IL1R1: variants seen among roughly 807,000 people sequenced by gnomAD.
The protein encoded by IL1R1 is interleukin-1 receptor type 1.
A neutral mutation model predicts 50.2 loss-of-function variants in IL1R1; 22 were observed. The observed-to-expected ratio is 0.44, with a 90% CI of 0.31 to 0.63. The LOEUF is 0.63. IL1R1 is among the 20% of genes least tolerant of loss of function. IL1R1 has a pLI of 0.07. For synonymous variants in IL1R1, 251 were observed against 236.7 expected, an observed-to-expected ratio of 1.06 and a Z score of -0.55; for missense variants, 509 against 676.2, an observed-to-expected ratio of 0.75 and a Z score of 2.74.
chr2:102,103,434 G>T (rs545337532), upstream of IL1R1, among the ~76,000 whole-genome samples: 7 of 152,306 alleles, frequency 4.6e-5, no homozygotes, highest in South Asian at 8.3e-4. Context: ...AGGCTGCAGA[G>T]CATTGAAGCA....
chr2:102,099,755 A>T (rs1193059204), upstream of IL1R1, among the ~76,000 whole-genome samples: 1 of 152,166 alleles, frequency 6.6e-6, no homozygotes, highest in Non-Finnish European at 1.5e-5. Context: ...AGACTCTGGC[A>T]TTTGTTTGGT....
At chr2:102,084,434 C>G (rs1300325660) in intron 1 of IL1R1, among the ~76,000 whole-genome samples, 2 of 152,254 alleles carry the variant, frequency 1.3e-5, no homozygotes, top group Admixed American at 6.5e-5. Flanking sequence ...AGTAAAAATC[C>G]TGGTTGAGAA....
chr2:102,095,201 A>G (rs924763728), intron 1 of IL1R1, among the ~76,000 whole-genome samples: 6 of 152,206 alleles, frequency 3.9e-5, no homozygotes, highest in Non-Finnish European at 5.9e-5. Context: ...ACAGCAAGTC[A>G]TGATGGTGCC....
rs1014815079 is a variant in IL1R1, at chr2:102,108,295, G to A, written c.-84+3423G>A. ...TGCTTCTTGGTTCTTAGATTCAGTA[G>A]CAGTGTTTAGTGTGTTACAGCAGTG... On this transcript the variant is annotated intron_variant, in intron 1 of 10. Transcript: ENST00000409329. 6.6e-5 allele frequency among the ~76,000 whole-genome samples: 10 copies of A among 152,064 alleles called. No individual in the cohort carries two copies. In the East Asian group the frequency reaches 1.2e-3, roughly 18 times the overall value.
intron 1 of IL1R1, among the ~76,000 whole-genome samples, chr2:102,071,820 G>A (rs889067023): frequency 3.3e-5 from 5 of 152,194 alleles, no homozygotes; most frequent in Non-Finnish European, 4.4e-5. Flanking sequence ...ATCCACCCTG[G>A]TTGAACCCCA....
intron 1 of IL1R1, among the ~76,000 whole-genome samples, chr2:102,094,826 CACACATAT>C (rs1301659139): frequency 6.9e-6 from 1 of 145,522 alleles, no homozygotes; most frequent in Non-Finnish European, 1.5e-5. Flanking sequence ...CATATATATA[CACACATAT>C]ACACATATAT....
chr2:102,176,276 C>G, intron 11 of IL1R1, 77 bp from the exon 12 acceptor site: 1 of 1,307,228 alleles, frequency 7.6e-7, no homozygotes, highest in Non-Finnish European at 1.1e-6. Context: ...TTGTGAAAAG[C>G]CTTGTGTGGC....
At position 102,178,002 on chromosome 2, in the gene IL1R1, C is replaced by A; in HGVS notation, c.*1243C>A. 1 of 153,768 alleles carries A rather than the reference C, an allele frequency of 6.5e-6. No homozygotes were observed. The highest frequency in any genetic ancestry group is 1.5e-5 in the Non-Finnish European group (1 of 68,874). 9.5% of individuals were successfully genotyped at this position (153,768 alleles called of 1,614,324 possible). A position where few individuals can be genotyped will look rare whatever the true frequency, so the allele number is the denominator to read the frequency against. On this transcript the variant is annotated 3_prime_UTR_variant, in exon 12 of 12. Transcript: ENST00000410023. ...CTCCCTGCCCTGTCCTCCAGCTTCC[C>A]CTCGCTGTCCTGCTGTGTGAATTCC...
At chr2:102,080,559 G>A (rs1679160012) in intron 1 of IL1R1, among the ~76,000 whole-genome samples, 1 of 152,156 alleles carries the variant, frequency 6.6e-6, no homozygotes, top group African/African-American at 2.4e-5. Context: ...AAAGAGGCCA[G>A]AAATAATAAA....
chr2:102,072,401 C>A (rs1678771958), intron 1 of IL1R1, among the ~76,000 whole-genome samples: 1 of 152,142 alleles, frequency 6.6e-6, no homozygotes, highest in Non-Finnish European at 1.5e-5. Context: ...GCGCTTTATC[C>A]TCCAAAACAG....
At chr2:102,151,509 AGATGTGTAG>A (rs1683650391) in intron 1 of IL1R1, among the ~76,000 whole-genome samples, 1 of 152,106 alleles carries the variant, frequency 6.6e-6, no homozygotes, top group South Asian at 2.1e-4. Flanking sequence ...CAGACATGCA[AGATGTGTAG>A]GATGGGCCTC....
chr2:102,150,229 A>C (rs530569142), intron 1 of IL1R1, among the ~76,000 whole-genome samples: 1 of 152,310 alleles, frequency 6.6e-6, no homozygotes, highest in Admixed American at 6.5e-5. Flanking sequence ...CTAGGCCTTG[A>C]GGAAGAAACC....
intron 1 of IL1R1, among the ~76,000 whole-genome samples, chr2:102,079,531 TAAGAA>T (rs1374399407): frequency 3.9e-5 from 6 of 152,022 alleles, no homozygotes; most frequent in South Asian, 2.1e-4. Context: ...AGCATAAACT[TAAGAA>T]AAGAAGTATA....
chr2:102,108,718 T>C (rs1368857147), intron 1 of IL1R1, among the ~76,000 whole-genome samples: 1 of 152,158 alleles, frequency 6.6e-6, no homozygotes, highest in African/African-American at 2.4e-5. Context: ...CAGTTTCTAT[T>C]GAGTAAATAT....
At chr2:102,170,864 C>T (rs764626507) in intron 7 of IL1R1, among the ~76,000 whole-genome samples, 38 of 152,248 alleles carry the variant, frequency 2.5e-4, no homozygotes, top group Non-Finnish European at 4.9e-4. Flanking sequence ...TGTTTGAGAC[C>T]AGCCTGGCCA....
At chr2:102,078,848 A>G (rs1455144936) in intron 1 of IL1R1, among the ~76,000 whole-genome samples, 1 of 152,118 alleles carries the variant, frequency 6.6e-6, no homozygotes, top group East Asian at 1.9e-4. Flanking sequence ...CCTCAGCAAA[A>G]CACTGGACAT....
chr2:102,170,945 C>T (rs953003030), intron 7 of IL1R1, among the ~76,000 whole-genome samples: 3 of 152,120 alleles, frequency 2.0e-5, no homozygotes, highest in African/African-American at 7.2e-5. Flanking sequence ...CCTGTAGTTC[C>T]AGCTGCTCAA....
intron 1 of IL1R1, among the ~76,000 whole-genome samples, chr2:102,130,715 G>T (rs1681981688): frequency 6.6e-6 from 1 of 151,504 alleles, no homozygotes; most frequent in Non-Finnish European, 1.5e-5. Context: ...AAAAGAATTT[G>T]CAGGGTGGGG....
chr2:102,115,043 A>T (rs962107899), intron 1 of IL1R1, among the ~76,000 whole-genome samples: 10 of 152,238 alleles, frequency 6.6e-5, no homozygotes, highest in African/African-American at 1.7e-4. Context: ...CTAGGCCAGT[A>T]GTTGTCAACC....
Sources: gnomAD v4.1 joint callset for allele counts (sites outside exome capture counted in the v4.1 genomes callset) on GRCh38, gnomAD v4.1.1 for gene constraint, MANE v1.5 for transcripts, NCBI Gene and HGNC (gene_info 2026-07-23, HGNC 2026-07-21) for gene names.